Variants in ADAMTSL1 observed in about 807,000 individuals in gnomAD.
The protein encoded by ADAMTSL1 is ADAMTS-like protein 1.
A neutral mutation model predicts 201.8 loss-of-function variants in ADAMTSL1; 126 were observed. The observed-to-expected ratio is 0.62, with a 90% CI of 0.54 to 0.72. The LOEUF is 0.72. ADAMTSL1 is among the 30% of genes least tolerant of loss of function. The pLI is 0.00. For missense variants in ADAMTSL1, 2,679 were observed against 2,277.8 expected (o/e 1.18, Z -3.59); for synonymous variants, 1,121 against 903.4 (o/e 1.24, Z -4.32).
At chr9:18,118,726 G>A (rs1825370002) in intron 1 of ADAMTSL1, among the ~76,000 whole-genome samples, 1 of 152,164 alleles carries the variant, frequency 6.6e-6, no homozygotes, top group African/African-American at 2.4e-5. Flanking sequence ...AACCTGCAAT[G>A]TCATCTGCAT....
chr9:18,418,228 C>T (rs1463645573), intron 2 of ADAMTSL1, among the ~76,000 whole-genome samples: 1 of 152,098 alleles, frequency 6.6e-6, no homozygotes, highest in Non-Finnish European at 1.5e-5. Flanking sequence ...AAAAACCCAA[C>T]CAAACAAACA....
chr9:18,709,415 A>C (rs1832423111), intron 14 of ADAMTSL1, among the ~76,000 whole-genome samples: 1 of 152,190 alleles, frequency 6.6e-6, no homozygotes, highest in Non-Finnish European at 1.5e-5. Flanking sequence ...ATTTTAAATC[A>C]ATTTTGGGTT....
chr9:18,166,492 TA>T (rs890765822), intron 2 of ADAMTSL1, among the ~76,000 whole-genome samples: 15 of 151,856 alleles, frequency 9.9e-5, no homozygotes, highest in African/African-American at 3.6e-4. Flanking sequence ...AATGAGGTGA[TA>T]AAAAAATATT....
At chr9:18,767,426 G>C (rs1227397125) in intron 16 of ADAMTSL1, among the ~76,000 whole-genome samples, 4 of 152,128 alleles carry the variant, frequency 2.6e-5, no homozygotes, top group Non-Finnish European at 4.4e-5. Flanking sequence ...CTTATAAAAA[G>C]AAAGAATGAA....
intron 2 of ADAMTSL1, among the ~76,000 whole-genome samples, chr9:18,237,605 T>C (rs1260754222): frequency 6.6e-6 from 1 of 152,230 alleles, no homozygotes; most frequent in Non-Finnish European, 1.5e-5. Flanking sequence ...ACTGACTGCC[T>C]CTGAGATACA....
chr9:17,909,987 GAA>G (rs113039631), intron 1 of ADAMTSL1, among the ~76,000 whole-genome samples: 1 of 52,484 alleles, frequency 1.9e-5, no homozygotes, highest in African/African-American at 3.6e-5. Context: ...ATAATTAAAA[GAA>G]AAAAAAAAAA....
Position 18,564,468 on chromosome 9 carries a change from A to G in ADAMTSL1, c.238-9562A>G, listed in dbSNP as rs563843708. Among the ~76,000 whole-genome samples, 20 of 152,302 alleles carry G rather than the reference A, an allele frequency of 1.3e-4. No homozygotes were observed. In the South Asian group the frequency reaches 3.9e-3, roughly 30 times the overall value. On this transcript the variant is annotated intron_variant, in intron 3 of 28. Coordinates refer to ENST00000380548, the MANE Select transcript of ADAMTSL1 (RefSeq NM_001040272.6). ...GCTGTTCCTATTCTGCCATCTTGCC[A>G]GCCCCTGCCTCACTTGTAAATAGAA... is the stretch of plus-strand genomic sequence containing the variant.
At chr9:18,215,172 C>T (rs950088231) in intron 2 of ADAMTSL1, among the ~76,000 whole-genome samples, 3 of 152,006 alleles carry the variant, frequency 2.0e-5, no homozygotes, top group African/African-American at 7.2e-5. Flanking sequence ...TATATTTGAA[C>T]ATAAAATAAT....
intron 4 of ADAMTSL1, among the ~76,000 whole-genome samples, chr9:18,602,070 G>A (rs1422223508): frequency 6.6e-6 from 1 of 152,154 alleles, no homozygotes; most frequent in African/African-American, 2.4e-5. Flanking sequence ...TGCAGTACAG[G>A]CTTCTGCATA....
At chr9:18,547,379 C>G (rs1424584357) in intron 3 of ADAMTSL1, among the ~76,000 whole-genome samples, 1 of 151,834 alleles carries the variant, frequency 6.6e-6, no homozygotes, top group East Asian at 1.9e-4. Flanking sequence ...AGTGGCATAG[C>G]CAGGTTCAAA....
At chr9:18,903,012 C>A (rs1317814446) in intron 26 of ADAMTSL1, among the ~76,000 whole-genome samples, 2 of 152,138 alleles carry the variant, frequency 1.3e-5, no homozygotes, top group African/African-American at 4.8e-5. Flanking sequence ...CAAGACCAGC[C>A]TGGCCAACAT....
chr9:18,671,245 C>A (rs1181089450), intron 9 of ADAMTSL1, among the ~76,000 whole-genome samples: 1 of 152,116 alleles, frequency 6.6e-6, no homozygotes, highest in Admixed American at 6.6e-5. Flanking sequence ...GAGCGAATTT[C>A]TGGCTAGATG....
rs544807045 is a variant in ADAMTSL1, at chr9:18,475,884, A to G, written c.63+1589A>G. ...TTTAGTAAAACTTTCCCATTCAGGAATAGATTGTTTTGCTATCCATTTGGT... is the reference window on the plus strand; with the variant it reads ...TTTAGTAAAACTTTCCCATTCAGGAGTAGATTGTTTTGCTATCCATTTGGT... On this transcript the variant is annotated intron_variant, in intron 1 of 28. Coordinates refer to ENST00000380548, the MANE Select transcript of ADAMTSL1 (RefSeq NM_001040272.6). 1.1e-3 allele frequency among the ~76,000 whole-genome samples: 169 copies of G among 152,276 alleles called. 2 individuals are homozygous for G. The highest frequency in any genetic ancestry group is 3.6e-3 in the African/African-American group (150 of 41,576).
At chr9:17,960,118 T>C (rs1221256908) in intron 1 of ADAMTSL1, among the ~76,000 whole-genome samples, 2 of 152,206 alleles carry the variant, frequency 1.3e-5, no homozygotes, top group African/African-American at 2.4e-5. Flanking sequence ...GTTTCCATTG[T>C]ACTATTTTCA....
intron 2 of ADAMTSL1, 28 bp downstream of exon 2, chr9:18,504,984 T>C: frequency 2.5e-6 from 4 of 1,588,360 alleles, no homozygotes; most frequent in Non-Finnish European, 3.4e-6. Context: ...TGGGGGTCTT[T>C]GTGAGAACCA....
At position 18,906,731 on chromosome 9, in the gene ADAMTSL1, T is replaced by G; in HGVS notation, c.5001T>G (p.Ser1667Arg). The G allele has an allele frequency of 6.2e-7, 1 of 1,612,382 alleles. No individual in the cohort carries two copies. Among genetic ancestry groups the G allele is most frequent in the Non-Finnish European group, 8.5e-7 (1 of 1,179,158 alleles). ...AGAACTGCTGGTCAGAGGCCTGCAG[T>G]GTACACTGGAGAGTCAGCCTGTGGA... Reference protein sequence around the residue: ...STQNCWSEACSVHWRVSLWTL... With the variant: ...STQNCWSEACRVHWRVSLWTL... Residue 1667 changes from serine (S) to arginine (R), a missense_variant, in exon 28 of 29, where the codon AGT (serine) becomes AGG (arginine). Coordinates refer to ENST00000380548, the MANE Select transcript of ADAMTSL1 (RefSeq NM_001040272.6).
chr9:17,928,608 C>G (rs1226553637), intron 1 of ADAMTSL1, among the ~76,000 whole-genome samples: 1 of 151,966 alleles, frequency 6.6e-6, no homozygotes, highest in Non-Finnish European at 1.5e-5. Context: ...AGGAGCATGA[C>G]AAAAAGAAAT....
At chr9:18,066,136 A>G (rs1004736272) in intron 1 of ADAMTSL1, among the ~76,000 whole-genome samples, 2 of 152,166 alleles carry the variant, frequency 1.3e-5, no homozygotes, top group African/African-American at 4.8e-5. Context: ...ATGTTCTTTC[A>G]AATAATCTTG....
intron 1 of ADAMTSL1, among the ~76,000 whole-genome samples, chr9:18,494,019 A>T (rs1308849383): frequency 2.0e-5 from 3 of 152,204 alleles, no homozygotes; most frequent in Non-Finnish European, 2.9e-5. Flanking sequence ...GGTGGCTGAC[A>T]AATGCTAAAA....
Sources: gnomAD v4.1 joint callset for allele counts (sites outside exome capture counted in the v4.1 genomes callset) on GRCh38, gnomAD v4.1.1 for gene constraint, MANE v1.5 for transcripts, NCBI Gene and HGNC (gene_info 2026-07-23, HGNC 2026-07-21) for gene names.